PCMT1: variants seen among roughly 807,000 people sequenced by gnomAD.
PCMT1 encodes protein-L-isoaspartate(D-aspartate) O-methyltransferase.
Under a neutral mutation model 29.2 loss-of-function variants are expected in PCMT1, and 9 were observed. The observed-to-expected ratio is 0.31, with a 90% CI of 0.19 to 0.54. PCMT1 has a LOEUF of 0.54. Ranked by LOEUF, PCMT1 falls within the 20% of genes least tolerant of loss-of-function variation. The pLI, the probability that PCMT1 is intolerant of heterozygous loss-of-function variation, is 0.95. For missense variants in PCMT1, 184 were observed against 282.2 expected, an observed-to-expected ratio of 0.65 and a Z score of 2.49; for synonymous variants, 98 against 97.5, an observed-to-expected ratio of 1.00 and a Z score of -0.03.
intron 7 of PCMT1, among the ~76,000 whole-genome samples, chr6:149,808,463 T>TA (rs1776071292): frequency 6.6e-6 from 1 of 152,116 alleles, no homozygotes; most frequent in South Asian, 2.1e-4. Context: ...TGTTTTTCCC[T>TA]AGCACCTCTA....
At chr6:149,770,951 A>G (rs557249752) in intron 1 of PCMT1, among the ~76,000 whole-genome samples, 2 of 151,946 alleles carry the variant, frequency 1.3e-5, no homozygotes, top group South Asian at 2.1e-4. Context: ...GTGAGCCGAG[A>G]TTGCGCCACT....
At chr6:149,785,355 C>CTTTTTT (rs11310169) in intron 3 of PCMT1, among the ~76,000 whole-genome samples, 7 of 73,224 alleles carry the variant, frequency 9.6e-5, no homozygotes, top group East Asian at 4.4e-4. Context: ...TGGCTGTTTT[C>CTTTTTT]TTTTTTTTTT....
Position 149,769,308 on chromosome 6 carries a change from C to CTTTTTTTTTTTTTTTTTTTTT in PCMT1, c.56-1850_56-1830dup, listed in dbSNP as rs372773939. ...AGTTAGCACCTATTTGTGCAGGATT[C>CTTTTTTTTTTTTTTTTTTTTT]TTTTTTTTTTTTTTTTTTTTTTTTG... On this transcript the variant is annotated intron_variant, in intron 1 of 7. Coordinates refer to ENST00000464889, the MANE Select transcript of PCMT1 (RefSeq NM_001360452.2). Among the ~76,000 whole-genome samples, 23 of 71,560 alleles carry CTTTTTTTTTTTTTTTTTTTTT rather than the reference C, an allele frequency of 3.2e-4. 7 individuals are homozygous for CTTTTTTTTTTTTTTTTTTTTT. Among genetic ancestry groups the CTTTTTTTTTTTTTTTTTTTTT allele is most frequent in the African/African-American group, 1.6e-3 (19 of 11,678 alleles). 46.9% of individuals were successfully genotyped at this position (71,560 alleles called of 152,430 possible).
intron 7 of PCMT1, among the ~76,000 whole-genome samples, chr6:149,803,376 A>G (rs1775905970): frequency 6.6e-6 from 1 of 152,144 alleles, no homozygotes; most frequent in African/African-American, 2.4e-5. Flanking sequence ...TTACCCAATG[A>G]GTGCCCAGGT....
chr6:149,790,719 T>A (rs1286434698), intron 4 of PCMT1, among the ~76,000 whole-genome samples: 1 of 151,946 alleles, frequency 6.6e-6, no homozygotes, highest in Non-Finnish European at 1.5e-5. Flanking sequence ...CCTTAAAACC[T>A]ACTGAGGGAC....
At chr6:149,793,706 AT>A in intron 5 of PCMT1, 37 bp downstream of exon 5, 1 of 1,509,212 alleles carries the variant, frequency 6.6e-7, no homozygotes, top group Non-Finnish European at 8.8e-7. Context: ...TCTTCAGAGG[AT>A]TTTTATTTTC....
In PCMT1 at chr6:149,808,007, C is replaced by T. The variant is rs555657264; in HGVS notation, c.*38-2609C>T. 5.3e-5 allele frequency among the ~76,000 whole-genome samples: 8 copies of T among 152,168 alleles called. No individual in the cohort carries two copies. The Middle Eastern group carries it at 0.01, about 194-fold the overall frequency. On this transcript the variant is annotated intron_variant, in intron 7 of 7. Transcript: ENST00000464889. Reference sequence around the variant, plus strand: ...ATTCTTTTTGTCTCTCATAGTGCTTCGTACAAAGCAAATTGTACAACACTT... The same window carrying T: ...ATTCTTTTTGTCTCTCATAGTGCTTTGTACAAAGCAAATTGTACAACACTT...
At chr6:149,775,399 G>A (rs1787521772) in intron 3 of PCMT1, among the ~76,000 whole-genome samples, 1 of 152,008 alleles carries the variant, frequency 6.6e-6, no homozygotes, top group Non-Finnish European at 1.5e-5. Context: ...AATGTTATAA[G>A]CAAAAATTAA....
chr6:149,804,699 A>C (rs1775956015), intron 7 of PCMT1, among the ~76,000 whole-genome samples: 1 of 151,968 alleles, frequency 6.6e-6, no homozygotes, highest in Non-Finnish European at 1.5e-5. Context: ...AAGGGGTTTC[A>C]CCATGTTGGC....
In PCMT1 at chr6:149,773,126, CTTCTTT is replaced by C. The variant is rs763020769; in HGVS notation, c.161-10_161-5del. The C allele has an allele frequency of 1.2e-5, 20 of 1,604,786 alleles. No individual in the cohort carries two copies. Among genetic ancestry groups the C allele is most frequent in the African/African-American group, 2.7e-5 (2 of 74,536 alleles). On this transcript the variant is annotated splice_polypyrimidine_tract_variant and splice_region_variant and intron_variant, in intron 2 of 7. Coordinates refer to ENST00000464889, the MANE Select transcript of PCMT1 (RefSeq NM_001360452.2). Reference sequence around the variant, plus strand: ...AGCTGACTGTATCAGTAGTTCTCTTCTTCTTTTGCAGGTTTCCAAGCAACAATCAGT... The same window carrying C: ...AGCTGACTGTATCAGTAGTTCTCTTCTGCAGGTTTCCAAGCAACAATCAGT...
chr6:149,776,004 A>G (rs1382957292), intron 3 of PCMT1, among the ~76,000 whole-genome samples: 1 of 151,888 alleles, frequency 6.6e-6, no homozygotes, highest in Non-Finnish European at 1.5e-5. Flanking sequence ...TACTAAAAAT[A>G]CAAAATTAGC....
chr6:149,786,390 A>C (rs1371488456), intron 3 of PCMT1, among the ~76,000 whole-genome samples: 1 of 112,686 alleles, frequency 8.9e-6, no homozygotes, highest in Non-Finnish European at 1.8e-5. Flanking sequence ...TCCCTCCCGG[A>C]CGGGGTGGCT....
chr6:149,810,627 A>G lies in PCMT1; in HGVS notation c.*49A>G, dbSNP rs1438354965. 2 of 1,547,530 alleles carry G rather than the reference A, an allele frequency of 1.3e-6. No homozygotes were observed. The highest frequency in any genetic ancestry group is 1.7e-6 in the Non-Finnish European group (2 of 1,144,534). ...TTTTTTCCTCACAGGGATGAATTGT[A>G]AAAGCAACATCAGCTTGACCAGTAT... On this transcript the variant is annotated 3_prime_UTR_variant, in exon 8 of 8. Transcript: ENST00000464889.
At chr6:149,771,382 T>G in intron 2 of PCMT1, 116 bp downstream of exon 2, 2 of 548,902 alleles carry the variant, frequency 3.6e-6, no homozygotes, top group Non-Finnish European at 6.3e-6. Flanking sequence ...TAATTTGAAT[T>G]TTATGACTCA....
intron 1 of PCMT1, among the ~76,000 whole-genome samples, chr6:149,757,708 AC>A (rs929161292): frequency 1.2e-4 from 18 of 152,250 alleles, no homozygotes; most frequent in African/African-American, 4.3e-4. Context: ...GTTTTCTGTC[AC>A]CAAATATGTT....
chr6:149,810,308 G>A (rs1281307014), intron 7 of PCMT1, among the ~76,000 whole-genome samples: 1 of 152,162 alleles, frequency 6.6e-6, no homozygotes, highest in Non-Finnish European at 1.5e-5. Context: ...GTGTAAAGAT[G>A]ACCGTAGATC....
chr6:149,783,162 C>G (rs1787885913), intron 3 of PCMT1, among the ~76,000 whole-genome samples: 2 of 152,098 alleles, frequency 1.3e-5, no homozygotes, highest in African/African-American at 4.8e-5. Flanking sequence ...AAGTCATAGT[C>G]TTGCTGTGTC....
chr6:149,750,018 C>A, intron 1 of PCMT1, 62 bp downstream of exon 1: 2 of 1,530,068 alleles, frequency 1.3e-6, no homozygotes, highest in Non-Finnish European at 1.8e-6. Context: ...ACCGGGTCCC[C>A]CTGGGCCGTC....
chr6:149,786,044 C>T (rs1280409155), intron 3 of PCMT1, among the ~76,000 whole-genome samples: 3 of 146,456 alleles, frequency 2.0e-5, no homozygotes, highest in Non-Finnish European at 3.0e-5. Flanking sequence ...GGGCTGACCC[C>T]CCCACCTCCC....
Sources: gnomAD v4.1 joint callset for allele counts (sites outside exome capture counted in the v4.1 genomes callset) on GRCh38, gnomAD v4.1.1 for gene constraint, MANE v1.5 for transcripts, NCBI Gene and HGNC (gene_info 2026-07-23, HGNC 2026-07-21) for gene names.